Variants in ARHGEF18 observed in about 807,000 individuals in gnomAD.
ARHGEF18 encodes rho guanine nucleotide exchange factor 18.
A neutral mutation model predicts 155.7 loss-of-function variants in ARHGEF18; 93 were observed. That is an observed-to-expected ratio of 0.60 (90% CI 0.50 to 0.71). The LOEUF is 0.71. Ranked by LOEUF, ARHGEF18 falls within the 30% of genes least tolerant of loss-of-function variation. The probability of loss-of-function intolerance (pLI) is 0.00; values close to 1 mark genes in which losing one functional copy is unlikely to be tolerated. For synonymous variants in ARHGEF18, 742 were observed against 753.1 expected (o/e 0.99, Z 0.24); for missense variants, 1,593 against 1,816.1 (o/e 0.88, Z 2.23).
At chr19:7,414,630 G>A (rs1289020503) in intron 10 of ARHGEF18, among the ~76,000 whole-genome samples, 2 of 152,038 alleles carry the variant, frequency 1.3e-5, no homozygotes, top group Non-Finnish European at 2.9e-5. Flanking sequence ...CCAAGATGGT[G>A]AAACCCCGTC....
intron 16 of ARHGEF18, among the ~76,000 whole-genome samples, chr19:7,452,045 A>G (rs1765390611): frequency 6.6e-6 from 1 of 152,148 alleles, no homozygotes; most frequent in Non-Finnish European, 1.5e-5. Context: ...GGCTTTTGAT[A>G]CAAGAAAGAT....
At chr19:7,394,123 A>T (rs1325328397) in intron 10 of ARHGEF18, among the ~76,000 whole-genome samples, 1 of 150,792 alleles carries the variant, frequency 6.6e-6, no homozygotes, top group African/African-American at 2.4e-5. Flanking sequence ...GGCTCAAGTC[A>T]TCCTCCCACC....
At chr19:7,408,784 T>C (rs1284593769) in intron 10 of ARHGEF18, among the ~76,000 whole-genome samples, 1 of 152,182 alleles carries the variant, frequency 6.6e-6, no homozygotes, top group African/African-American at 2.4e-5. Context: ...GGCTCACGCC[T>C]GTAATCTCAC....
At chr19:7,367,885 TTATATATATTTTTTA>T (rs1163277240) in intron 2 of ARHGEF18, among the ~76,000 whole-genome samples, 1 of 16,088 alleles carries the variant, frequency 6.2e-5, no homozygotes, top group Non-Finnish European at 9.4e-5. Flanking sequence ...TATATATATT[TTATATATATTTTTTA>T]TATATATATA....
intron 1 of ARHGEF18, among the ~76,000 whole-genome samples, chr19:7,360,786 A>G (rs1039434995): frequency 2.6e-5 from 4 of 152,046 alleles, no homozygotes; most frequent in Admixed American, 2.6e-4. Flanking sequence ...CCTCCTTCAC[A>G]GCCTGCTTGT....
Position 7,459,944 on chromosome 19 carries a change from A to G in ARHGEF18, c.2402A>G (p.Glu801Gly), listed in dbSNP as rs1024605600. 24 of 1,591,610 alleles carry G rather than the reference A, an allele frequency of 1.5e-5. No homozygotes were observed. The East Asian group carries it at 5.5e-4, about 36-fold the overall frequency. Reference sequence around the variant, plus strand: ...GAGGGGCCCTTCAGCCTGCCCGAAGAGGAAAGGAAGGTGGTCGAGGCCCGC... The same window carrying G: ...GAGGGGCCCTTCAGCCTGCCCGAAGGGGAAAGGAAGGTGGTCGAGGCCCGC... The part of the protein sequence containing the change: ...EEEGPFSLPE[E>G]ERKVVEARAT... Residue 801 changes from glutamate to glycine, a missense_variant, in exon 20 of 29, where the codon GAG becomes GGG. Glu to Gly is a moderately conservative substitution (Grantham distance 98). Coordinates refer to ENST00000668164, the MANE Select transcript of ARHGEF18 (RefSeq NM_001367823.1).
chr19:7,446,149 A>C (rs1406397049), intron 14 of ARHGEF18, among the ~76,000 whole-genome samples: 1 of 152,066 alleles, frequency 6.6e-6, no homozygotes. Context: ...TGTGACCCCA[A>C]CACTTTGGGA....
chr19:7,478,367 C>A, the ARHGEF18 span: 1 of 1,610,600 alleles, frequency 6.2e-7, no homozygotes, highest in South Asian at 1.1e-5. Context: ...TCAGCAGCAT[C>A]CACAGGGACC....
chr19:7,444,362 G>C lies in ARHGEF18; in HGVS notation c.1519G>C (p.Ala507Pro). 6.2e-7 allele frequency: 1 copy of C among 1,613,556 alleles called. No individual in the cohort carries two copies. Among genetic ancestry groups the C allele is most frequent in the Non-Finnish European group, 8.5e-7 (1 of 1,180,016 alleles). Reference protein sequence around the residue: ...DLLETHSHFLARLKERRQESL... With the variant: ...DLLETHSHFLPRLKERRQESL... Reference sequence around the variant, plus strand: ...GCTGGAGACGCACAGCCACTTCCTCGCTCGGCTCAAGGAGCGCCGCCAGGA... The same window carrying C: ...GCTGGAGACGCACAGCCACTTCCTCCCTCGGCTCAAGGAGCGCCGCCAGGA... Residue 507 changes from alanine (A) to proline (P), a missense_variant, in exon 14 of 29, where the codon GCT becomes CCT. Physicochemically the swap from Ala to Pro is conservative, Grantham distance 27. Coordinates refer to ENST00000668164, the MANE Select transcript of ARHGEF18 (RefSeq NM_001367823.1). The surrounding 1 kb of genome is among the most constrained non-coding windows in gnomAD (Gnocchi z 4.7).
intron 13 of ARHGEF18, among the ~76,000 whole-genome samples, 161 bp downstream of exon 13, chr19:7,442,213 T>C (rs1974703905): frequency 6.6e-6 from 1 of 151,246 alleles, no homozygotes; most frequent in African/African-American, 2.4e-5. Flanking sequence ...TTCTCTCTTT[T>C]GTCCTCTTTC....
At chr19:7,385,913 T>C (rs1600252470) in intron 10 of ARHGEF18, among the ~76,000 whole-genome samples, 4 of 47,236 alleles carry the variant, frequency 8.5e-5, no homozygotes, top group Admixed American at 2.7e-4. Context: ...TCTCCCTCTC[T>C]CCCTCTCTCT....
intron 2 of ARHGEF18, 105 bp downstream of exon 2, chr19:7,363,010 T>C: frequency 8.4e-7 from 1 of 1,196,450 alleles, no homozygotes; most frequent in Non-Finnish European, 1.0e-6. Flanking sequence ...GTACATTATC[T>C]CAGGGAATCC....
intron 14 of ARHGEF18, among the ~76,000 whole-genome samples, chr19:7,445,865 C>T (rs566965369): frequency 7.2e-5 from 11 of 152,122 alleles, no homozygotes; most frequent in Admixed American, 3.3e-4. Flanking sequence ...TCAGGTGATC[C>T]GCCTGCCTCA....
chr19:7,373,846 A>C (rs1316458200), intron 3 of ARHGEF18, among the ~76,000 whole-genome samples: 2 of 129,846 alleles, frequency 1.5e-5, no homozygotes, highest in Non-Finnish European at 3.1e-5. Flanking sequence ...CGCTCCTATG[A>C]GAATTTTTTT....
Position 7,454,485 on chromosome 19 carries a change from G to A in ARHGEF18, c.2104+770G>A, listed in dbSNP as rs549936175. On this transcript the variant is annotated intron_variant, in intron 17 of 28. Coordinates refer to ENST00000668164, the MANE Select transcript of ARHGEF18 (RefSeq NM_001367823.1). ...TGGTGGGTGCCATCTCGGACTGGTGGCATGGTCTTGGGAGTGGTGGCATCC... is the reference window on the plus strand; with the variant it reads ...TGGTGGGTGCCATCTCGGACTGGTGACATGGTCTTGGGAGTGGTGGCATCC... 7.9e-5 allele frequency among the ~76,000 whole-genome samples: 12 copies of A among 151,826 alleles called. No individual in the cohort carries two copies. The South Asian group carries it at 1.3e-3, about 16-fold the overall frequency.
intron 10 of ARHGEF18, among the ~76,000 whole-genome samples, chr19:7,411,847 A>G (rs1433360220): frequency 1.3e-5 from 2 of 152,066 alleles, no homozygotes; most frequent in African/African-American, 4.8e-5. Flanking sequence ...CTAGAAGTGG[A>G]GTCACATACG....
At chr19:7,382,149 A>G (rs1009543827) in intron 8 of ARHGEF18, among the ~76,000 whole-genome samples, 1 of 152,092 alleles carries the variant, frequency 6.6e-6, no homozygotes, top group Admixed American at 6.6e-5. Context: ...GTGGTGGCTC[A>G]TGCCTGTAAT....
At chr19:7,477,010 T>C (rs1034893239), downstream of ARHGEF18, 3 of 452,718 alleles carry the variant, frequency 6.6e-6, no homozygotes, top group Non-Finnish European at 1.1e-5. Context: ...GCACGGCCCC[T>C]GAAAACTGTC....
intron 10 of ARHGEF18, among the ~76,000 whole-genome samples, chr19:7,393,074 GAA>G (rs902345454): frequency 1.4e-5 from 2 of 139,694 alleles, no homozygotes; most frequent in Non-Finnish European, 3.1e-5. Context: ...AAAAAAAAAG[GAA>G]AAAAAATAAG....
Sources: gnomAD v4.1 joint callset for allele counts (sites outside exome capture counted in the v4.1 genomes callset) on GRCh38, gnomAD v4.1.1 for gene constraint, Gnocchi (gnomAD v3.1) non-coding constraint, MANE v1.5 for transcripts, NCBI Gene and HGNC (gene_info 2026-07-23, HGNC 2026-07-21) for gene names.